The following LRMDA variants were observed in gnomAD, a reference collection of about 807,000 sequenced individuals.
LRMDA encodes the protein leucine rich melanocyte differentiation associated, also known as leucine-rich melanocyte differentiation-associated protein.
In LRMDA, 18 loss-of-function variants were observed where a neutral mutation model predicts 29.8. That is an observed-to-expected ratio of 0.60 (90% confidence interval 0.42 to 0.90). The LOEUF (loss-of-function observed/expected upper bound fraction) is 0.90, where lower values mean the gene tolerates loss of function less well. Among genes scored for constraint, LRMDA ranks in the 40% least tolerant of loss-of-function variants. The pLI, the probability that LRMDA is intolerant of heterozygous loss-of-function variation, is 0.00. For missense variants in LRMDA, 273 were observed against 273.9 expected (o/e 1.00, Z 0.02); for synonymous variants, 125 against 109.4 (o/e 1.14, Z -0.89).
chr10:75,899,197 A>G (rs538978803), intron 2 of LRMDA, among the ~76,000 whole-genome samples: 5 of 152,292 alleles, frequency 3.3e-5, no homozygotes, highest in African/African-American at 1.2e-4. Flanking sequence ...AAAAGCTCCA[A>G]CCCTCTCAAA....
At position 76,486,444 on chromosome 10, in the gene LRMDA, G is replaced by A. The variant is rs530633909; in HGVS notation, c.602-70765G>A. Among the ~76,000 whole-genome samples, 3 of 151,960 alleles carry A rather than the reference G, an allele frequency of 2.0e-5. No homozygotes were observed. The East Asian group carries it at 5.8e-4, about 30-fold the overall frequency. On this transcript the variant is annotated intron_variant, in intron 6 of 6. Transcript: ENST00000611255. The stretch of plus-strand genomic sequence containing the variant: ...TTGTTTTGTTTTTTGGCTCTGTGCT[G>A]CACGTACATAGGTCAAGTTTGATTC...
chr10:76,157,452 GT>G (rs1194389339), intron 5 of LRMDA, among the ~76,000 whole-genome samples: 2 of 151,916 alleles, frequency 1.3e-5, no homozygotes, highest in Non-Finnish European at 2.9e-5. Flanking sequence ...TGCCAAAAAA[GT>G]TTTTTAAAAA....
intron 2 of LRMDA, among the ~76,000 whole-genome samples, chr10:75,803,986 A>G (rs1330882225): frequency 2.6e-5 from 4 of 152,190 alleles, no homozygotes; most frequent in African/African-American, 9.7e-5. Context: ...GTGCCCAGGC[A>G]GCGTGTCATG....
chr10:75,845,820 C>T (rs998757853), intron 2 of LRMDA, among the ~76,000 whole-genome samples: 1 of 152,098 alleles, frequency 6.6e-6, no homozygotes, highest in African/African-American at 2.4e-5. Flanking sequence ...TGCGTTGCAT[C>T]CTTTAATAAA....
At chr10:75,954,336 G>A (rs79298445) in intron 2 of LRMDA, among the ~76,000 whole-genome samples, 5 of 152,280 alleles carry the variant, frequency 3.3e-5, no homozygotes, top group East Asian at 1.9e-4. Context: ...GGTCTATCCC[G>A]ATGATAGGCA....
chr10:75,594,304 A>G (rs1840759929), intron 2 of LRMDA, among the ~76,000 whole-genome samples: 1 of 152,204 alleles, frequency 6.6e-6, no homozygotes, highest in South Asian at 2.1e-4. Context: ...CTAGGCCACC[A>G]GGGAATACCA....
intron 5 of LRMDA, among the ~76,000 whole-genome samples, chr10:76,181,611 G>C (rs138198052): frequency 6.6e-6 from 1 of 152,212 alleles, no homozygotes; most frequent in East Asian, 1.9e-4. Context: ...CATAAGTACC[G>C]GGATTCAGGA....
chr10:75,709,450 A>ATGTG (rs143567128), intron 2 of LRMDA, among the ~76,000 whole-genome samples: 3 of 145,842 alleles, frequency 2.1e-5, no homozygotes, highest in Non-Finnish European at 4.5e-5. Flanking sequence ...GTGTATGTGC[A>ATGTG]TGTGTGTGTG....
At chr10:75,972,573 C>T (rs1175633247) in intron 2 of LRMDA, among the ~76,000 whole-genome samples, 1 of 152,102 alleles carries the variant, frequency 6.6e-6, no homozygotes, top group Non-Finnish European at 1.5e-5. Context: ...TATCTTTTCT[C>T]TCTTTAAGAA....
rs72817485 is a variant in LRMDA, at chr10:76,425,509, A to G, written c.601+101024A>G. On this transcript the variant is annotated intron_variant, in intron 6 of 6. Coordinates refer to ENST00000611255, the MANE Select transcript of LRMDA (RefSeq NM_001305581.2). ...GAGATAAAATCTACCTTGAAGGATTATAAGGAAGAAAGGTTATTTGTAGGC... is the reference window on the plus strand; with the variant it reads ...GAGATAAAATCTACCTTGAAGGATTGTAAGGAAGAAAGGTTATTTGTAGGC... Among the ~76,000 whole-genome samples, 1,113 of 152,028 alleles carry G rather than the reference A, an allele frequency of 7.3e-3. 7 individuals are homozygous for G. Among genetic ancestry groups the G allele is most frequent in the Non-Finnish European group, 0.011 (777 of 67,992 alleles).
Position 76,498,151 on chromosome 10 carries a change from T to G in LRMDA, c.602-59058T>G, listed in dbSNP as rs1842889434. On this transcript the variant is annotated intron_variant, in intron 6 of 6. Coordinates refer to ENST00000611255, the MANE Select transcript of LRMDA (RefSeq NM_001305581.2). ...TGCAAATTGGAACAGTTGTAAGTTT[T>G]GATTGTGACACTGCAGGGCTAACTC... Among the ~76,000 whole-genome samples, 2 of 75,500 alleles carry G rather than the reference T, an allele frequency of 2.6e-5. 1 individual carries two copies. Among genetic ancestry groups the G allele is most frequent in the South Asian group, 7.0e-4 (2 of 2,850 alleles). The allele number at this position is 75,500 out of a possible 152,430, so 49.5% of individuals were successfully genotyped here. A position where few individuals can be genotyped will look rare whatever the true frequency, so the allele number is the denominator to read the frequency against.
At chr10:76,174,545 A>G (rs548741745) in intron 5 of LRMDA, among the ~76,000 whole-genome samples, 2 of 152,250 alleles carry the variant, frequency 1.3e-5, no homozygotes, top group African/African-American at 4.8e-5. Context: ...TCTTATCCTC[A>G]TTGTTGTAGA....
At chr10:76,397,795 AG>A (rs1289972212) in intron 6 of LRMDA, among the ~76,000 whole-genome samples, 1 of 152,102 alleles carries the variant, frequency 6.6e-6, no homozygotes, top group Non-Finnish European at 1.5e-5. Context: ...GTAGTTCACA[AG>A]GGGCATAGGG....
intron 6 of LRMDA, among the ~76,000 whole-genome samples, chr10:76,534,016 G>A (rs137978719): frequency 4.0e-4 from 61 of 152,244 alleles, no homozygotes; most frequent in African/African-American, 1.3e-3. Context: ...CTATGAATAC[G>A]TACTGTGTTA....
chr10:75,999,887 T>A (rs541951680), intron 2 of LRMDA, among the ~76,000 whole-genome samples: 1 of 152,354 alleles, frequency 6.6e-6, no homozygotes, highest in South Asian at 2.1e-4. Context: ...ATTTTCTTTG[T>A]CTGATTATAC....
At chr10:75,811,779 C>G (rs535249768) in intron 2 of LRMDA, among the ~76,000 whole-genome samples, 1 of 152,186 alleles carries the variant, frequency 6.6e-6, no homozygotes. Context: ...CTGGAACACA[C>G]GGCAAATCCA....
rs948291858 is a variant in LRMDA, at chr10:76,557,506, C to T, written c.*218C>T. On this transcript the variant is annotated 3_prime_UTR_variant, in exon 7 of 7. Transcript: ENST00000611255. ...GGTCACATAGAGATTGACATGATTG[C>T]CCTTAAGCAGGTCTCATCCACCAGG... 3 of 583,230 alleles carry T rather than the reference C, an allele frequency of 5.1e-6. No individual in the cohort carries two copies. In the African/African-American group the frequency reaches 5.6e-5, roughly 11 times the overall value. The allele number at this position is 583,230 out of a possible 1,614,324, so 36.1% of individuals were successfully genotyped here. A position where few individuals can be genotyped will look rare whatever the true frequency, so the allele number is the denominator to read the frequency against.
chr10:75,725,394 C>T (rs1227208868), intron 2 of LRMDA, among the ~76,000 whole-genome samples: 3 of 152,226 alleles, frequency 2.0e-5, no homozygotes, highest in Non-Finnish European at 2.9e-5. Context: ...TTTGTCTCCT[C>T]TAGTCAAAGG....
intron 5 of LRMDA, among the ~76,000 whole-genome samples, chr10:76,229,012 A>G (rs1852011738): frequency 6.6e-6 from 1 of 152,242 alleles, no homozygotes; most frequent in Non-Finnish European, 1.5e-5. Flanking sequence ...TCTCACTGAT[A>G]CAGTTTTTGC....
Sources: gnomAD v4.1 joint callset for allele counts (sites outside exome capture counted in the v4.1 genomes callset) on GRCh38, gnomAD v4.1.1 for gene constraint, MANE v1.5 for transcripts, NCBI Gene and HGNC (gene_info 2026-07-23, HGNC 2026-07-21) for gene names.